The following ATR variants were observed in gnomAD, a reference collection of about 807,000 sequenced individuals.
The protein encoded by ATR is ATR checkpoint kinase, also known as serine/threonine-protein kinase ATR.
Under a neutral mutation model 305.3 loss-of-function variants are expected in ATR, and 142 were observed. The ratio of observed to expected loss-of-function variants is 0.47; its 90% confidence interval spans 0.41 to 0.53. The LOEUF is 0.53. Among genes scored for constraint, ATR ranks in the 20% least tolerant of loss-of-function variants. The pLI, the probability that ATR is intolerant of heterozygous loss-of-function variation, is 0.00. For synonymous variants in ATR, 1,050 were observed against 1,068.1 expected (o/e 0.98, Z 0.33); for missense variants, 2,135 against 3,133.1 (o/e 0.68, Z 7.60).
chr3:142,468,426 T>G (rs993443531), intron 38 of ATR, among the ~76,000 whole-genome samples: 3 of 152,102 alleles, frequency 2.0e-5, no homozygotes, highest in African/African-American at 7.2e-5. Flanking sequence ...ATATTAAAAT[T>G]ATATCTTCAA....
chr3:142,476,285 A>G (rs755165579), intron 36 of ATR, among the ~76,000 whole-genome samples: 1 of 152,096 alleles, frequency 6.6e-6, no homozygotes, highest in Non-Finnish European at 1.5e-5. Context: ...GGTGTAAGGA[A>G]GGATCCAGTT....
chr3:142,509,415 C>T (rs919211864), intron 27 of ATR, among the ~76,000 whole-genome samples: 3 of 152,012 alleles, frequency 2.0e-5, no homozygotes, highest in Non-Finnish European at 4.4e-5. Context: ...CCTCCTGCCT[C>T]GGCCTCCCAA....
intron 16 of ATR, among the ~76,000 whole-genome samples, chr3:142,543,272 A>G (rs2034122903): frequency 6.6e-6 from 1 of 152,286 alleles, no homozygotes; most frequent in South Asian, 2.1e-4. Flanking sequence ...GGGCATCAAA[A>G]GTTGCAGACT....
chr3:142,500,038 A>G (rs1329933368), intron 30 of ATR: 2 of 217,668 alleles, frequency 9.2e-6, no homozygotes, highest in Admixed American at 5.6e-5. Context: ...AAATAGCTGC[A>G]TGCTTAATTT....
rs2108262032 is a variant in ATR at position 142,459,369 on chromosome 3, C to T, written c.7207G>A (p.Gly2403Arg). ...LYKEKGVYMT[G>R]KELRQCMLPK... ...AGCATACACTGGCGAAGTTCTTTTC[C>T]TGTCATATACACTCCTGCAAGGAAG... The change falls in exon 43 of 47, where the codon GGA (glycine) becomes AGA (arginine). Residue 2403 changes from glycine to arginine, a missense_variant. Gly to Arg is a moderately radical substitution (Grantham distance 125). Coordinates refer to ENST00000350721, the MANE Select transcript of ATR (RefSeq NM_001184.4). 2 of 1,613,796 alleles carry T rather than the reference C, an allele frequency of 1.2e-6. No homozygotes were observed. The highest frequency in any genetic ancestry group is 1.1e-5 in the South Asian group (1 of 91,076).
intron 36 of ATR, among the ~76,000 whole-genome samples, chr3:142,478,912 C>T (rs1324638252): frequency 6.6e-6 from 1 of 151,986 alleles, no homozygotes; most frequent in Non-Finnish European, 1.5e-5. Context: ...GGATTTCAAC[C>T]CCTGCCTTTT....
chr3:142,454,994 G>A (rs1410850379), intron 45 of ATR, among the ~76,000 whole-genome samples: 1 of 152,166 alleles, frequency 6.6e-6, no homozygotes, highest in Non-Finnish European at 1.5e-5. Context: ...ATCTGCAGGT[G>A]ACATGTTATT....
At chr3:142,493,631 G>A (rs1042195365) in intron 34 of ATR, among the ~76,000 whole-genome samples, 2 of 152,194 alleles carry the variant, frequency 1.3e-5, no homozygotes, top group Admixed American at 6.5e-5. Context: ...GCTTTTGGAT[G>A]CCAAGGCAGG....
intron 14 of ATR, among the ~76,000 whole-genome samples, 185 bp from the exon 15 acceptor site, chr3:142,549,858 A>T (rs1260830969): frequency 6.6e-6 from 1 of 152,244 alleles, no homozygotes; most frequent in African/African-American, 2.4e-5. Context: ...CCAACACCTT[A>T]GAAGCAGAAA....
At chr3:142,479,598 G>A (rs1195694658) in intron 36 of ATR, among the ~76,000 whole-genome samples, 1 of 152,060 alleles carries the variant, frequency 6.6e-6, no homozygotes, top group Non-Finnish European at 1.5e-5. Flanking sequence ...GTATCTTTGT[G>A]GCGTTCTCTG....
chr3:142,563,287 C>A (rs1425070473), intron 3 of ATR, among the ~76,000 whole-genome samples, 178 bp from the exon 4 acceptor site: 1 of 152,178 alleles, frequency 6.6e-6, no homozygotes, highest in Non-Finnish European at 1.5e-5. Context: ...TTTTATTGCA[C>A]GTTGCAGATA....
chr3:142,551,590 A>T (rs1212288687), intron 13 of ATR, among the ~76,000 whole-genome samples: 1 of 152,236 alleles, frequency 6.6e-6, no homozygotes, highest in East Asian at 1.9e-4. Flanking sequence ...TCTCTATTTA[A>T]TAAATGGTGC....
At chr3:142,496,944 A>C in intron 33 of ATR, 69 bp downstream of exon 33, 1 of 1,494,354 alleles carries the variant, frequency 6.7e-7, no homozygotes, top group South Asian at 1.2e-5. Context: ...AAATACAAAC[A>C]CCCCCAAATA....
chr3:142,550,325 G>GT, intron 13 of ATR, 23 bp from the exon 14 acceptor site: 2 of 1,611,360 alleles, frequency 1.2e-6, no homozygotes, highest in Non-Finnish European at 1.7e-6. Flanking sequence ...CCATTTTATT[G>GT]TGAGTTTTCA....
chr3:142,538,455 T>C (rs374659785), intron 19 of ATR, 27 bp downstream of exon 19: 24 of 1,598,008 alleles, frequency 1.5e-5, no homozygotes, highest in Non-Finnish European at 2.0e-5. Context: ...AAAGTTATTA[T>C]TTTACTATTA....
chr3:142,541,857 G>A (rs1320366927), intron 17 of ATR, among the ~76,000 whole-genome samples: 1 of 150,872 alleles, frequency 6.6e-6, no homozygotes, highest in African/African-American at 2.5e-5. Flanking sequence ...GGTAACATAT[G>A]TCTTTCTTGG....
At chr3:142,574,100 T>A (rs541663848) in intron 1 of ATR, among the ~76,000 whole-genome samples, 1 of 152,322 alleles carries the variant, frequency 6.6e-6, no homozygotes, top group South Asian at 2.1e-4. Flanking sequence ...TCATGTATTA[T>A]TTGTGTAATT....
chr3:142,449,339 T>C lies in ATR; in HGVS notation c.*90A>G, dbSNP rs944884804. ...AGTTGCTGAGAACGTAAATTTATGT[T>C]GTACTTTAGAATTGAACAGATACAA... is the stretch of plus-strand genomic sequence containing the variant. On this transcript the variant is annotated 3_prime_UTR_variant, in exon 47 of 47. Transcript: ENST00000350721. 1.0e-5 allele frequency: 13 copies of C among 1,242,666 alleles called. No homozygotes were observed. The highest frequency in any genetic ancestry group is 7.5e-5 in the African/African-American group (5 of 66,316). 77.0% of individuals were successfully genotyped at this position (1,242,666 alleles called of 1,614,324 possible).
At chr3:142,546,506 T>G (rs2034273420) in intron 16 of ATR, among the ~76,000 whole-genome samples, 1 of 151,966 alleles carries the variant, frequency 6.6e-6, no homozygotes, top group Non-Finnish European at 1.5e-5. Flanking sequence ...AAATTTCAAC[T>G]AAAAATTATC....
Sources: allele counts gnomAD v4.1 joint callset (sites outside exome capture counted in the v4.1 genomes callset), GRCh38; gene constraint gnomAD v4.1.1; transcripts MANE v1.5; gene names NCBI Gene and HGNC (gene_info 2026-07-23, HGNC 2026-07-21).